Variants in SMAD3 observed in about 807,000 individuals in gnomAD.
SMAD3 encodes MAD homolog 3.
SMAD3 carries 12 observed loss-of-function variants against 51.8 expected under a neutral mutation model. The observed-to-expected ratio is 0.23, with a 90% confidence interval of 0.15 to 0.38. The LOEUF is 0.38. Among genes scored for constraint, SMAD3 ranks in the 10% least tolerant of loss-of-function variants. SMAD3 has a pLI of 1.00. For synonymous variants in SMAD3, 238 were observed against 227.7 expected, an observed-to-expected ratio of 1.05 and a Z score of -0.41; for missense variants, 294 against 565.6, an observed-to-expected ratio of 0.52 and a Z score of 4.87.
At chr15:67,107,458 G>A (rs1330754252) in intron 1 of SMAD3, among the ~76,000 whole-genome samples, 1 of 151,642 alleles carries the variant, frequency 6.6e-6, no homozygotes, top group Non-Finnish European at 1.5e-5. Context: ...GAGCCTTGTT[G>A]CCATGCCCTC....
intron 1 of SMAD3, among the ~76,000 whole-genome samples, chr15:67,151,346 A>T (rs1962138190): frequency 6.7e-6 from 1 of 149,236 alleles, no homozygotes; most frequent in Admixed American, 6.7e-5. Context: ...TTATTTATTT[A>T]TTTTGAGACG....
At chr15:67,164,874 T>G in intron 1 of SMAD3, 21 bp from the exon 2 acceptor site, 1 of 1,612,166 alleles carries the variant, frequency 6.2e-7, no homozygotes, top group Non-Finnish European at 8.5e-7. Context: ...CCTCTCTTTC[T>G]GCCCCTCCCC....
chr15:67,135,499 C>G (rs577157296), intron 1 of SMAD3, among the ~76,000 whole-genome samples: 9 of 152,164 alleles, frequency 5.9e-5, no homozygotes, highest in Non-Finnish European at 1.3e-4. Flanking sequence ...ACCAAGTAGG[C>G]CCTCTCTAAA....
chr15:67,072,687 T>C (rs1404209641), intron 1 of SMAD3, among the ~76,000 whole-genome samples: 2 of 152,142 alleles, frequency 1.3e-5, no homozygotes, highest in Admixed American at 1.3e-4. Flanking sequence ...CAGACGTGAA[T>C]GGCTGGTGCA....
chr15:67,162,961 A>G (rs1048628962), intron 1 of SMAD3, among the ~76,000 whole-genome samples: 5 of 151,184 alleles, frequency 3.3e-5, no homozygotes, highest in South Asian at 4.2e-4. Flanking sequence ...GATGATGATG[A>G]TGATGATGAT....
chr15:67,166,630 C>T, intron 3 of SMAD3, 149 bp from the exon 4 acceptor site: 2 of 703,512 alleles, frequency 2.8e-6, no homozygotes, highest in East Asian at 5.4e-5. Context: ...ACAACAGAAC[C>T]AAGAGCTGGA....
chr15:67,068,142 G>A (rs1374354413), intron 1 of SMAD3, among the ~76,000 whole-genome samples: 1 of 152,214 alleles, frequency 6.6e-6, no homozygotes, highest in Non-Finnish European at 1.5e-5. Context: ...AACCAGCCAT[G>A]GAAAGTAGAT....
At chr15:67,177,503 A>G (rs190335216) in intron 5 of SMAD3, among the ~76,000 whole-genome samples, 3 of 130,432 alleles carry the variant, frequency 2.3e-5, no homozygotes, top group African/African-American at 8.6e-5. Context: ...GCTCACTGCA[A>G]CCTCTGCCTC....
chr15:67,181,133 C>T lies in SMAD3; in HGVS notation c.659-108C>T, dbSNP rs1963040898. The T allele has an allele frequency of 2.3e-5, 19 of 833,104 alleles. No homozygotes were observed. The Admixed American group carries it at 3.8e-4, about 17-fold the overall frequency. The allele number at this position is 833,104 out of a possible 1,614,324, so 51.6% of individuals were successfully genotyped here. On this transcript the variant is annotated intron_variant, in intron 5 of 8. Coordinates refer to ENST00000327367, the MANE Select transcript of SMAD3 (RefSeq NM_005902.4). ...AGGCATGGGGTAGGGAGATTATAAT[C>T]CCTCTGAAATGCGGGGAAATGGTTT... is the stretch of plus-strand genomic sequence containing the variant.
intron 1 of SMAD3, among the ~76,000 whole-genome samples, chr15:67,094,523 G>T (rs7169183): frequency 6.6e-6 from 1 of 152,122 alleles, no homozygotes; most frequent in Admixed American, 6.5e-5. Flanking sequence ...AACATGGAAC[G>T]CAGGGCCTGC....
intron 5 of SMAD3, among the ~76,000 whole-genome samples, chr15:67,179,127 A>G (rs1026453312): frequency 6.6e-6 from 1 of 152,060 alleles, no homozygotes; most frequent in African/African-American, 2.4e-5. Flanking sequence ...AGGCCCACAG[A>G]GTGTAGCTGG....
chr15:67,155,138 T>G (rs1267026003), intron 1 of SMAD3, among the ~76,000 whole-genome samples: 1 of 152,228 alleles, frequency 6.6e-6, no homozygotes, highest in African/African-American at 2.4e-5. Context: ...AAGGGTCAGC[T>G]GTCACAGTTC....
chr15:67,065,935 C>G lies in SMAD3; in HGVS notation c.-220C>G. ...CGTCCGCCCGCCCGGCCGCTCTTCT[C>G]TTCGCCGTGGGAGCCGCTCCGGGCG... is the stretch of plus-strand genomic sequence containing the variant. On this transcript the variant is annotated 5_prime_UTR_variant, in exon 1 of 9. Transcript: ENST00000327367. The G allele has an allele frequency of 4.7e-6, 1 of 212,138 alleles. No homozygotes were observed. The highest frequency in any genetic ancestry group is 9.5e-6 in the Non-Finnish European group (1 of 105,784). The allele number at this position is 212,138 out of a possible 1,614,324, so 13.1% of individuals were successfully genotyped here.
At position 67,103,474 on chromosome 15, in the gene SMAD3, T is replaced by C. The variant is rs545813251; in HGVS notation, c.206+37114T>C. On this transcript the variant is annotated intron_variant, in intron 1 of 8. Coordinates refer to ENST00000327367, the MANE Select transcript of SMAD3 (RefSeq NM_005902.4). The stretch of plus-strand genomic sequence containing the variant: ...GTTATTCATGGTTTTGTGTCCAGGC[T>C]AACTGTGCCCTGACATTAAGGCTGG... Among the ~76,000 whole-genome samples, 6 of 152,346 alleles carry C rather than the reference T, an allele frequency of 3.9e-5. No individual in the cohort carries two copies. The East Asian group carries it at 9.6e-4, about 24-fold the overall frequency.
rs1959897800 is a variant in SMAD3 at position 67,065,816 on chromosome 15, C to A, written c.-339C>A. 4.8e-6 allele frequency: 1 copy of A among 210,216 alleles called. No individual in the cohort carries two copies. Among genetic ancestry groups the A allele is most frequent in the Non-Finnish European group, 9.7e-6 (1 of 103,372 alleles). The allele number at this position is 210,216 out of a possible 1,614,324, so 13.0% of individuals were successfully genotyped here. ...CCGGAGGCGGCACCCAAACAGCTAC[C>A]CCGTGCGGAAACCCAAACTTCTGCT... On this transcript the variant is annotated 5_prime_UTR_variant, in exon 1 of 9. Transcript: ENST00000327367.
At chr15:67,155,726 C>T (rs777552129) in intron 1 of SMAD3, among the ~76,000 whole-genome samples, 4 of 152,184 alleles carry the variant, frequency 2.6e-5, no homozygotes, top group East Asian at 1.9e-4. Context: ...CGGTGGCTCA[C>T]GCCTGTAATC....
intron 4 of SMAD3, among the ~76,000 whole-genome samples, chr15:67,168,672 C>A (rs1962658662): frequency 6.6e-6 from 1 of 152,252 alleles, no homozygotes; most frequent in Admixed American, 6.5e-5. Flanking sequence ...CCTCCTTGTG[C>A]CTCCCTTTAC....
chr15:67,168,657 C>T (rs1014976647), intron 4 of SMAD3, among the ~76,000 whole-genome samples: 2 of 152,262 alleles, frequency 1.3e-5, no homozygotes, highest in Admixed American at 6.5e-5. Context: ...CTTCTCCCTC[C>T]TCTTCCTCCT....
chr15:67,079,212 A>G (rs1960232317), intron 1 of SMAD3, among the ~76,000 whole-genome samples: 1 of 152,108 alleles, frequency 6.6e-6, no homozygotes. Flanking sequence ...TCCCGACCTC[A>G]GGTGATCTGC....
Sources: gnomAD v4.1 joint callset for allele counts (sites outside exome capture counted in the v4.1 genomes callset) on GRCh38, gnomAD v4.1.1 for gene constraint, MANE v1.5 for transcripts, NCBI Gene and HGNC (gene_info 2026-07-23, HGNC 2026-07-21) for gene names.